Variants in COLQ observed in about 807,000 individuals in gnomAD.
The protein encoded by COLQ is acetylcholinesterase collagenic tail peptide.
Under a neutral mutation model 69.0 loss-of-function variants are expected in COLQ, and 48 were observed. The ratio of observed to expected loss-of-function variants is 0.70; its 90% CI spans 0.55 to 0.88. COLQ has a LOEUF of 0.88. Ranked by LOEUF, COLQ falls within the 40% of genes least tolerant of loss-of-function variation. The pLI, the probability that COLQ is intolerant of heterozygous loss-of-function variation, is 0.00. For missense variants in COLQ, 618 were observed against 594.6 expected, an observed-to-expected ratio of 1.04 and a Z score of -0.41; for synonymous variants, 217 against 211.2, an observed-to-expected ratio of 1.03 and a Z score of -0.24.
intron 1 of COLQ, among the ~76,000 whole-genome samples, chr3:15,490,306 T>C (rs910408092): frequency 6.6e-6 from 1 of 152,198 alleles, no homozygotes; most frequent in Non-Finnish European, 1.5e-5. Flanking sequence ...AAGTATGCCT[T>C]ACAAAAAGTA....
chr3:15,492,088 C>T (rs1320256444), intron 1 of COLQ, among the ~76,000 whole-genome samples: 1 of 151,286 alleles, frequency 6.6e-6, no homozygotes, highest in Non-Finnish European at 1.5e-5. Context: ...ATTTATGATA[C>T]AAAAGTAAAC....
rs141945796 is a variant in COLQ at position 15,453,210 on chromosome 3, G to A, written c.1298+619C>T. Among the ~76,000 whole-genome samples the A allele has an allele frequency of 8.5e-3, 1,290 of 152,326 alleles. 20 individuals are homozygous for A. Among genetic ancestry groups the A allele is most frequent in the African/African-American group, 0.029 (1,217 of 41,576 alleles). Reference sequence around the variant, plus strand: ...GTGGCCCTCAGTTGGCTTGGCAGGCGCCAGTGTGGAGCCAGGACACTAGAA... The same window carrying A: ...GTGGCCCTCAGTTGGCTTGGCAGGCACCAGTGTGGAGCCAGGACACTAGAA... On this transcript the variant is annotated intron_variant, in intron 16 of 16. Coordinates refer to ENST00000383788, the MANE Select transcript of COLQ (RefSeq NM_005677.4).
rs184812820 is a variant in COLQ, at chr3:15,451,520, A to T, written c.*124T>A. ...GTTAACAGCATGTCTTAGTAGCAGG[A>T]ATTTGTCCTTGTTTTTGTCACACAA... is the stretch of plus-strand genomic sequence containing the variant. On this transcript the variant is annotated 3_prime_UTR_variant, in exon 17 of 17. Coordinates refer to ENST00000383788, the MANE Select transcript of COLQ (RefSeq NM_005677.4). 1.1e-6 allele frequency: 1 copy of T among 892,720 alleles called. No individual in the cohort carries two copies. Among genetic ancestry groups the T allele is most frequent in the African/African-American group, 1.6e-5 (1 of 61,198 alleles). 55.3% of individuals were successfully genotyped at this position (892,720 alleles called of 1,614,324 possible).
intron 13 of COLQ, 86 bp from the exon 14 acceptor site, chr3:15,456,665 T>C: frequency 6.4e-7 from 1 of 1,574,794 alleles, no homozygotes; most frequent in Non-Finnish European, 8.6e-7. Flanking sequence ...AGAATCTCTA[T>C]CCTTGGGCTG....
At chr3:15,502,526 G>A (rs2062845569) in intron 1 of COLQ, among the ~76,000 whole-genome samples, 1 of 151,858 alleles carries the variant, frequency 6.6e-6, no homozygotes, top group Non-Finnish European at 1.5e-5. Flanking sequence ...AGAGATTCTA[G>A]TGCCTCAGCC....
intron 11 of COLQ, among the ~76,000 whole-genome samples, chr3:15,467,035 A>G (rs1163750005): frequency 6.6e-6 from 1 of 152,206 alleles, no homozygotes; most frequent in Non-Finnish European, 1.5e-5. Context: ...TCACCCCACC[A>G]TAAGCTCTCA....
intron 1 of COLQ, among the ~76,000 whole-genome samples, chr3:15,507,783 A>C (rs1385188766): frequency 1.3e-5 from 2 of 152,172 alleles, no homozygotes; most frequent in Non-Finnish European, 2.9e-5. Flanking sequence ...TTCATTTCTC[A>C]TATAGTAAAT....
intron 3 of COLQ, among the ~76,000 whole-genome samples, chr3:15,482,345 T>G (rs1344135176): frequency 1.3e-5 from 2 of 152,136 alleles, no homozygotes; most frequent in African/African-American, 4.8e-5. Context: ...TGGCTACGGG[T>G]TTGTCATAAA....
intron 11 of COLQ, among the ~76,000 whole-genome samples, chr3:15,469,122 G>A (rs2062243889): frequency 6.6e-6 from 1 of 152,138 alleles, no homozygotes; most frequent in Non-Finnish European, 1.5e-5. Flanking sequence ...CAGCACCCTC[G>A]GGTTGTTCAC....
intron 1 of COLQ, among the ~76,000 whole-genome samples, chr3:15,504,755 G>T (rs926129383): frequency 2.6e-5 from 4 of 152,236 alleles, no homozygotes; most frequent in African/African-American, 9.6e-5. Context: ...AGCTACTTGG[G>T]AGGCTGAGGC....
chr3:15,482,198 C>A (rs1356361225), intron 3 of COLQ, among the ~76,000 whole-genome samples: 1 of 152,078 alleles, frequency 6.6e-6, no homozygotes, highest in African/African-American at 2.4e-5. Context: ...AATTGAATAC[C>A]CTTTATTTCT....
chr3:15,502,696 G>T (rs1291541783), intron 1 of COLQ, among the ~76,000 whole-genome samples: 2 of 152,122 alleles, frequency 1.3e-5, no homozygotes, highest in African/African-American at 4.8e-5. Flanking sequence ...TTACAGGTGT[G>T]AGCCACCACG....
intron 1 of COLQ, among the ~76,000 whole-genome samples, chr3:15,519,916 T>A (rs1332670279): frequency 6.6e-6 from 1 of 152,244 alleles, no homozygotes; most frequent in Admixed American, 6.5e-5. Flanking sequence ...TTGATTACTA[T>A]GTGCCAGGCA....
At chr3:15,509,519 T>C (rs2062955343) in intron 1 of COLQ, among the ~76,000 whole-genome samples, 1 of 152,210 alleles carries the variant, frequency 6.6e-6, no homozygotes, top group South Asian at 2.1e-4. Flanking sequence ...TTAGCAGACC[T>C]TTCTACTGAG....
At chr3:15,512,082 T>C (rs78249903) in intron 1 of COLQ, among the ~76,000 whole-genome samples, 6,169 of 151,994 alleles carry the variant, frequency 0.041, 294 homozygotes, top group Admixed American at 0.14. Flanking sequence ...CTGTGGAGCA[T>C]GGTCCCAGGA....
At chr3:15,486,532 C>T (rs2062578032) in intron 3 of COLQ, among the ~76,000 whole-genome samples, 1 of 152,194 alleles carries the variant, frequency 6.6e-6, no homozygotes, top group East Asian at 1.9e-4. Context: ...AGCCACTGTC[C>T]TGAGGTCAGC....
chr3:15,477,532 T>C (rs1026125944), intron 5 of COLQ: 26 of 328,154 alleles, frequency 7.9e-5, no homozygotes, highest in South Asian at 2.8e-4. Flanking sequence ...TGGAATGAGA[T>C]AGGATTACAT....
In COLQ at chr3:15,470,574, G is replaced by C. The variant is rs770045897; in HGVS notation, c.679C>G (p.Arg227Gly). 38 of 1,614,016 alleles carry C rather than the reference G, an allele frequency of 2.4e-5. No individual in the cohort carries two copies. The highest frequency in any genetic ancestry group is 3.1e-5 in the Non-Finnish European group (37 of 1,180,012). Residue 227 changes from arginine to glycine, a missense_variant, in exon 11 of 17, where the codon CGA (arginine) becomes GGA (glycine). Arg to Gly is a moderately radical substitution (Grantham distance 125, BLOSUM62 -2). Coordinates refer to ENST00000383788, the MANE Select transcript of COLQ (RefSeq NM_005677.4). ...TTTCCTGGTCTTCCTGTGGGTCCTC[G>C]GTGTCCTGCTATCCCAGGTTCACCT... Reference protein sequence around the residue: ...PKGEPGIAGHRGPTGRPGKRG... With the variant: ...PKGEPGIAGHGGPTGRPGKRG...
At chr3:15,467,582 G>A (rs1297824005) in intron 11 of COLQ, among the ~76,000 whole-genome samples, 1 of 152,228 alleles carries the variant, frequency 6.6e-6, no homozygotes, top group Non-Finnish European at 1.5e-5. Flanking sequence ...TGGGCTCTTT[G>A]TTCTCCCTCA....
Sources: gnomAD v4.1 joint callset for allele counts (sites outside exome capture counted in the v4.1 genomes callset) on GRCh38, gnomAD v4.1.1 for gene constraint, MANE v1.5 for transcripts, NCBI Gene and HGNC (gene_info 2026-07-23, HGNC 2026-07-21) for gene names.